The following DCDC2 variants were observed in gnomAD, a reference collection of about 807,000 sequenced individuals.
DCDC2 encodes doublecortin domain containing 2, also known as doublecortin domain-containing protein 2.
DCDC2 carries 40 observed loss-of-function variants against 50.2 expected under a neutral mutation model. The ratio of observed to expected loss-of-function variants is 0.80; its 90% CI spans 0.62 to 1.04. The LOEUF (loss-of-function observed/expected upper bound fraction) is 1.04, where lower values mean the gene tolerates loss of function less well. Ranked by LOEUF, DCDC2 falls within the 50% of genes least tolerant of loss-of-function variation. The pLI is 0.00. For missense variants in DCDC2, 570 were observed against 581.9 expected, an observed-to-expected ratio of 0.98 and a Z score of 0.21; for synonymous variants, 234 against 210.6, an observed-to-expected ratio of 1.11 and a Z score of -0.96.
chr6:24,331,163 TC>T (rs1332286907), intron 2 of DCDC2, among the ~76,000 whole-genome samples: 4 of 152,170 alleles, frequency 2.6e-5, no homozygotes, highest in Admixed American at 6.6e-5. Context: ...GGAAGAGAAT[TC>T]CCTCTGGTAA....
In DCDC2 at chr6:24,265,739, G is replaced by A. The variant is rs557845048; in HGVS notation, c.922+12310C>T. On this transcript the variant is annotated intron_variant, in intron 7 of 9. Coordinates refer to ENST00000378454, the MANE Select transcript of DCDC2 (RefSeq NM_016356.5). ...TGAAAATGGAAACATGACATAAAAT[G>A]TATGGGATATAGCGAAGGCAGTACT... Among the ~76,000 whole-genome samples the A allele has an allele frequency of 7.9e-5, 12 of 151,872 alleles. 1 individual carries two copies. The South Asian group carries it at 2.3e-3, about 29-fold the overall frequency.
At chr6:24,287,570 A>T (rs1229193100) in intron 6 of DCDC2, among the ~76,000 whole-genome samples, 1 of 152,204 alleles carries the variant, frequency 6.6e-6, no homozygotes, top group Non-Finnish European at 1.5e-5. Flanking sequence ...TACTGTAAAG[A>T]GCTTGGCATA....
chr6:24,181,588 G>C (rs924661166), intron 8 of DCDC2, among the ~76,000 whole-genome samples: 3 of 152,296 alleles, frequency 2.0e-5, no homozygotes, highest in African/African-American at 7.2e-5. Context: ...ATTTACAATA[G>C]CATCAAAAGG....
At chr6:24,297,405 A>C (rs1759275477) in intron 4 of DCDC2, among the ~76,000 whole-genome samples, 1 of 152,136 alleles carries the variant, frequency 6.6e-6, no homozygotes, top group Admixed American at 6.5e-5. Context: ...ACAACAAACT[A>C]CCGTGACACA....
At chr6:24,331,944 A>G (rs1759972535) in intron 2 of DCDC2, among the ~76,000 whole-genome samples, 1 of 152,240 alleles carries the variant, frequency 6.6e-6, no homozygotes, top group African/African-American at 2.4e-5. Context: ...AAGTGTATTT[A>G]ATTCTGAAAG....
At chr6:24,269,233 G>T (rs1198327649) in intron 7 of DCDC2, among the ~76,000 whole-genome samples, 1 of 152,186 alleles carries the variant, frequency 6.6e-6, no homozygotes, top group African/African-American at 2.4e-5. Flanking sequence ...CCAGACATTG[G>T]ACTAAATACA....
intron 7 of DCDC2, among the ~76,000 whole-genome samples, chr6:24,248,656 C>G (rs62400391): frequency 9.2e-5 from 14 of 152,062 alleles, no homozygotes; most frequent in African/African-American, 3.1e-4. Context: ...GTAATTCCCT[C>G]GAGGGCAGAA....
chr6:24,224,266 C>G (rs1343572716), intron 7 of DCDC2, among the ~76,000 whole-genome samples: 1 of 152,182 alleles, frequency 6.6e-6, no homozygotes, highest in Admixed American at 6.5e-5. Flanking sequence ...TCTCTGAGCA[C>G]CAACTCTGTA....
At chr6:24,367,045 A>T in the DCDC2 span, among the ~76,000 whole-genome samples, 1 of 152,132 alleles carries the variant, frequency 6.6e-6, no homozygotes, top group African/African-American at 2.4e-5. Flanking sequence ...TGTGTTGCCC[A>T]GGCTGGTCTT....
At chr6:24,353,849 T>G (rs1460025693) in intron 1 of DCDC2, among the ~76,000 whole-genome samples, 6 of 152,206 alleles carry the variant, frequency 3.9e-5, no homozygotes, top group Non-Finnish European at 7.4e-5. Context: ...AAGGAAAGTC[T>G]TAGAAATACA....
intron 7 of DCDC2, among the ~76,000 whole-genome samples, chr6:24,215,168 C>A (rs541586858): frequency 1.1e-4 from 17 of 152,222 alleles, no homozygotes; most frequent in African/African-American, 3.1e-4. Flanking sequence ...AGCTACAAAT[C>A]AAAAGACAAG....
chr6:24,178,294 T>C (rs1760970225), intron 9 of DCDC2, 36 bp downstream of exon 9: 1 of 1,589,772 alleles, frequency 6.3e-7, no homozygotes, highest in African/African-American at 1.3e-5. Flanking sequence ...CACATATTCA[T>C]GCATTCACAT....
At chr6:24,240,081 T>C (rs1179830562) in intron 7 of DCDC2, among the ~76,000 whole-genome samples, 1 of 152,206 alleles carries the variant, frequency 6.6e-6, no homozygotes, top group East Asian at 1.9e-4. Flanking sequence ...TTAAAATATA[T>C]ATTAAACTCA....
the DCDC2 span, among the ~76,000 whole-genome samples, chr6:24,374,158 T>C: frequency 7.5e-6 from 1 of 133,636 alleles, no homozygotes. Context: ...TGAGACTCCA[T>C]TTCAAAAAAA....
intron 2 of DCDC2, among the ~76,000 whole-genome samples, chr6:24,314,428 A>G (rs1247982539): frequency 6.6e-6 from 1 of 152,176 alleles, no homozygotes; most frequent in African/African-American, 2.4e-5. Context: ...AGCTATGATC[A>G]TGCTACTCTA....
chr6:24,247,891 A>T (rs1762713294), intron 7 of DCDC2, among the ~76,000 whole-genome samples: 1 of 152,140 alleles, frequency 6.6e-6, no homozygotes, highest in South Asian at 2.1e-4. Context: ...CCTGGCCAAC[A>T]TGGTGAAACC....
chr6:24,354,303 T>A (rs1760426576), intron 1 of DCDC2, among the ~76,000 whole-genome samples: 1 of 152,180 alleles, frequency 6.6e-6, no homozygotes, highest in Non-Finnish European at 1.5e-5. Flanking sequence ...CAGTTTTAAA[T>A]GGTCCCTAAA....
chr6:24,274,909 G>C (rs756940730), intron 7 of DCDC2, among the ~76,000 whole-genome samples: 1 of 151,674 alleles, frequency 6.6e-6, no homozygotes, highest in Non-Finnish European at 1.5e-5. Context: ...AATAATCATA[G>C]CTATTCACCC....
chr6:24,363,858 C>T, the DCDC2 span, among the ~76,000 whole-genome samples: 1 of 152,176 alleles, frequency 6.6e-6, no homozygotes, highest in Non-Finnish European at 1.5e-5. Flanking sequence ...TCGCTGAAAA[C>T]ACAGATCTAT....
Sources: gnomAD v4.1 joint callset for allele counts (sites outside exome capture counted in the v4.1 genomes callset) on GRCh38, gnomAD v4.1.1 for gene constraint, MANE v1.5 for transcripts, NCBI Gene and HGNC (gene_info 2026-07-23, HGNC 2026-07-21) for gene names.